TENM3: variants seen among roughly 807,000 people sequenced by gnomAD.
TENM3 encodes the protein teneurin-3.
TENM3 carries 63 observed loss-of-function variants against 255.1 expected under a neutral mutation model. That is an observed-to-expected ratio of 0.25 (90% CI 0.20 to 0.30). TENM3 has a LOEUF of 0.30. Ranked by LOEUF, TENM3 falls within the 10% of genes least tolerant of loss-of-function variation. The probability of loss-of-function intolerance (pLI) is 1.00; values close to 1 mark genes in which losing one functional copy is unlikely to be tolerated. For missense variants in TENM3, 2,929 were observed against 3,461.1 expected, an observed-to-expected ratio of 0.85 and a Z score of 3.86; for synonymous variants, 1,306 against 1,322.3, an observed-to-expected ratio of 0.99 and a Z score of 0.27.
intron 24 of TENM3, 62 bp downstream of exon 24, chr4:182,775,215 A>G (rs1554035433): frequency 1.3e-6 from 2 of 1,501,122 alleles, no homozygotes; most frequent in Non-Finnish European, 1.8e-6. Flanking sequence ...GATCATCCTG[A>G]GGGCAGGTTG....
intron 3 of TENM3, among the ~76,000 whole-genome samples, chr4:182,558,094 G>A (rs1742756340): frequency 6.6e-6 from 1 of 152,126 alleles, no homozygotes; most frequent in African/African-American, 2.4e-5. Flanking sequence ...TGGCATCTGA[G>A]GTAATCGTGA....
chr4:181,497,756 C>T, the TENM3 span, among the ~76,000 whole-genome samples: 1 of 152,118 alleles, frequency 6.6e-6, no homozygotes, highest in Non-Finnish European at 1.5e-5. Context: ...AACTTAATAA[C>T]CCCGCAAACT....
At chr4:182,674,387 T>C (rs186674328) in intron 7 of TENM3, among the ~76,000 whole-genome samples, 48 of 152,310 alleles carry the variant, frequency 3.2e-4, no homozygotes, top group African/African-American at 1.1e-3. Flanking sequence ...CATATACATA[T>C]ATTAATTTTA....
the TENM3 span, among the ~76,000 whole-genome samples, chr4:181,782,559 T>C: frequency 6.6e-6 from 1 of 152,068 alleles, no homozygotes; most frequent in Non-Finnish European, 1.5e-5. Context: ...GTTGATCTTT[T>C]CAAAAAACCA....
the TENM3 span, among the ~76,000 whole-genome samples, chr4:182,110,597 ATTACAG>A: frequency 6.6e-6 from 1 of 152,126 alleles, no homozygotes; most frequent in African/African-American, 2.4e-5. Context: ...AAGTGCTGGG[ATTACAG>A]GTATGTGCCA....
chr4:181,874,874 A>G, the TENM3 span, among the ~76,000 whole-genome samples: 4 of 152,252 alleles, frequency 2.6e-5, no homozygotes, highest in African/African-American at 9.6e-5. Flanking sequence ...GCAGGGAGCC[A>G]GGACAAATAT....
At chr4:181,830,369 A>G in the TENM3 span, among the ~76,000 whole-genome samples, 1 of 152,224 alleles carries the variant, frequency 6.6e-6, no homozygotes, top group East Asian at 1.9e-4. Context: ...CCCGGGTTCA[A>G]GTGATTCTCC....
chr4:182,505,641 G>T (rs1030049664), intron 3 of TENM3, among the ~76,000 whole-genome samples: 3 of 151,942 alleles, frequency 2.0e-5, no homozygotes, highest in African/African-American at 7.3e-5. Context: ...ACCACGCCCG[G>T]CTATTTTTTT....
intron 1 of TENM3, among the ~76,000 whole-genome samples, chr4:182,265,696 A>G (rs991223515): frequency 1.3e-5 from 2 of 152,208 alleles, no homozygotes; most frequent in African/African-American, 4.8e-5. Context: ...CAACTATTGT[A>G]ATCTTCTGCC....
intron 6 of TENM3, among the ~76,000 whole-genome samples, chr4:182,655,799 G>A (rs1418196028): frequency 6.6e-6 from 1 of 152,120 alleles, no homozygotes; most frequent in Non-Finnish European, 1.5e-5. Flanking sequence ...AATGCAATAA[G>A]AAATACATGT....
intron 1 of TENM3, among the ~76,000 whole-genome samples, chr4:182,201,355 C>G (rs1754174733): frequency 6.6e-6 from 1 of 152,072 alleles, no homozygotes; most frequent in Non-Finnish European, 1.5e-5. Flanking sequence ...AACAGTGGAG[C>G]TGAATTAAGC....
At chr4:182,263,986 C>T (rs924899138) in intron 1 of TENM3, among the ~76,000 whole-genome samples, 3 of 152,154 alleles carry the variant, frequency 2.0e-5, no homozygotes, top group Non-Finnish European at 4.4e-5. Context: ...GCGATGGTGC[C>T]GCAAGCCGGA....
intron 1 of TENM3, among the ~76,000 whole-genome samples, chr4:182,270,224 T>A (rs1406619332): frequency 1.3e-5 from 2 of 152,202 alleles, no homozygotes; most frequent in Admixed American, 1.3e-4. Context: ...AGTTAATCTC[T>A]CTTAGATCCT....
chr4:182,688,205 T>C lies in TENM3; in HGVS notation c.2075T>C (p.Met692Thr). ...SVDCGSHGVC[M>T]GGTCRCEEGW... The stretch of plus-strand genomic sequence containing the variant: ...GACTGTGGCTCACACGGCGTTTGCA[T>C]GGGGGGGACGTGTCGCTGTGAAGAA... The change falls in exon 12 of 28, where the codon ATG (methionine) becomes ACG (threonine). Residue 692 changes from methionine (M) to threonine (T), a missense_variant. Met to Thr is a moderately conservative substitution (Grantham distance 81). Coordinates refer to ENST00000511685, the MANE Select transcript of TENM3 (RefSeq NM_001080477.4). 2 of 1,613,524 alleles carry C rather than the reference T, an allele frequency of 1.2e-6. No homozygotes were observed. The highest frequency in any genetic ancestry group is 1.7e-6 in the Non-Finnish European group (2 of 1,179,686).
the TENM3 span, among the ~76,000 whole-genome samples, chr4:181,850,808 T>A: frequency 3.9e-5 from 6 of 152,286 alleles, no homozygotes; most frequent in African/African-American, 1.4e-4. Context: ...TTCCACTGAG[T>A]GTTTTTGAGA....
At chr4:181,541,461 G>A in the TENM3 span, among the ~76,000 whole-genome samples, 190 of 152,116 alleles carry the variant, frequency 1.2e-3, no homozygotes, top group African/African-American at 3.8e-3. Context: ...CAAGAAAGTC[G>A]TTCTTGAGTT....
At chr4:181,869,811 A>C in the TENM3 span, among the ~76,000 whole-genome samples, 1 of 152,156 alleles carries the variant, frequency 6.6e-6, no homozygotes, top group Non-Finnish European at 1.5e-5. Flanking sequence ...AAAATATCAC[A>C]AGAATGCTCA....
the TENM3 span, among the ~76,000 whole-genome samples, chr4:181,485,267 A>T: frequency 3.9e-5 from 6 of 151,944 alleles, no homozygotes; most frequent in African/African-American, 1.5e-4. Context: ...GCATTAAAAT[A>T]AGGACACTTT....
At chr4:181,827,521 A>G in the TENM3 span, among the ~76,000 whole-genome samples, 1 of 152,208 alleles carries the variant, frequency 6.6e-6, no homozygotes, top group Admixed American at 6.5e-5. Flanking sequence ...CCCACTTAGC[A>G]CATGCAACAA....
Sources: allele counts gnomAD v4.1 joint callset (sites outside exome capture counted in the v4.1 genomes callset), GRCh38; gene constraint gnomAD v4.1.1; transcripts MANE v1.5; gene names NCBI Gene and HGNC (gene_info 2026-07-23, HGNC 2026-07-21).